Variants in COL8A1 observed in about 807,000 individuals in gnomAD.
COL8A1 encodes collagen type VIII alpha 1 chain.
A neutral mutation model predicts 42.7 loss-of-function variants in COL8A1; 21 were observed. The ratio of observed to expected loss-of-function variants is 0.49; its 90% CI spans 0.35 to 0.71. COL8A1 has a LOEUF of 0.71. Among genes scored for constraint, COL8A1 ranks in the 30% least tolerant of loss-of-function variants. The probability of loss-of-function intolerance (pLI) is 0.01; values close to 1 mark genes in which losing one functional copy is unlikely to be tolerated. For missense variants in COL8A1, 788 were observed against 962.4 expected, an observed-to-expected ratio of 0.82 and a Z score of 2.40; for synonymous variants, 367 against 369.1, an observed-to-expected ratio of 0.99 and a Z score of 0.06.
intron 1 of COL8A1, among the ~76,000 whole-genome samples, chr3:99,716,677 G>A (rs914887294): frequency 1.3e-5 from 2 of 151,940 alleles, no homozygotes; most frequent in South Asian, 2.1e-4. Flanking sequence ...AGTGACACAA[G>A]CCACAATTAC....
chr3:99,730,562 C>T (rs1940474606), intron 1 of COL8A1, among the ~76,000 whole-genome samples: 1 of 152,086 alleles, frequency 6.6e-6, no homozygotes, highest in Non-Finnish European at 1.5e-5. Flanking sequence ...ACGTCTCATT[C>T]TGGAGGCTTG....
At chr3:99,684,529 C>A (rs1938990137) in intron 1 of COL8A1, among the ~76,000 whole-genome samples, 2 of 152,160 alleles carry the variant, frequency 1.3e-5, no homozygotes, top group Admixed American at 1.3e-4. Context: ...AATTGTTAAT[C>A]TTTATTAAGA....
At chr3:99,694,213 T>C (rs572958101) in intron 1 of COL8A1, among the ~76,000 whole-genome samples, 1 of 152,312 alleles carries the variant, frequency 6.6e-6, no homozygotes, top group East Asian at 1.9e-4. Flanking sequence ...CTGGGTGCAG[T>C]GGCTCACACC....
intron 2 of COL8A1, among the ~76,000 whole-genome samples, chr3:99,782,239 G>T (rs1422382882): frequency 1.3e-5 from 2 of 152,088 alleles, no homozygotes; most frequent in Non-Finnish European, 1.5e-5. Flanking sequence ...ATATTTAAGG[G>T]GGGTAGGGGG....
rs41500047 is a variant in COL8A1, at chr3:99,748,764, A to G, written c.-4+3743A>G. Among the ~76,000 whole-genome samples the G allele has an allele frequency of 4.3e-3, 648 of 152,308 alleles. 7 individuals are homozygous for G. Among genetic ancestry groups the G allele is most frequent in the African/African-American group, 0.015 (633 of 41,574 alleles). ...GTAGATTAGCAGCAATGATTTGGGC[A>G]TTCTCACACATCTTCCACATGCAGG... is the stretch of plus-strand genomic sequence containing the variant. On this transcript the variant is annotated intron_variant, in intron 2 of 3. Coordinates refer to ENST00000652472, the MANE Select transcript of COL8A1 (RefSeq NM_020351.4).
intron 1 of COL8A1, chr3:99,703,609 A>G (rs1330203574): frequency 6.6e-6 from 1 of 152,236 alleles, no homozygotes; most frequent in Non-Finnish European, 1.5e-5. Flanking sequence ...ATTGTTCAAA[A>G]GGAGAAAGTC....
At chr3:99,713,091 C>T (rs535693999) in intron 1 of COL8A1, among the ~76,000 whole-genome samples, 40 of 152,152 alleles carry the variant, frequency 2.6e-4, no homozygotes, top group African/African-American at 8.4e-4. Context: ...TTGTGTCAGG[C>T]CTCTGCTGTG....
intron 2 of COL8A1, among the ~76,000 whole-genome samples, 185 bp from the exon 3 acceptor site, chr3:99,790,495 A>G (rs936840294): frequency 1.3e-5 from 2 of 152,144 alleles, no homozygotes; most frequent in Non-Finnish European, 2.9e-5. Context: ...AGATTCCACT[A>G]TTCTCTATTT....
chr3:99,674,074 A>ATGCCTATGCTATGGCATAG (rs1323209804), intron 1 of COL8A1, among the ~76,000 whole-genome samples: 19 of 152,082 alleles, frequency 1.2e-4, no homozygotes, highest in African/African-American at 4.6e-4. Flanking sequence ...GCATGTGGAA[A>ATGCCTATGCTATGGCATAG]GAAACAATCC....
At chr3:99,777,156 A>G (rs1349178307) in intron 2 of COL8A1, among the ~76,000 whole-genome samples, 1 of 152,014 alleles carries the variant, frequency 6.6e-6, no homozygotes, top group Non-Finnish European at 1.5e-5. Flanking sequence ...GCCTTATTTC[A>G]CTCAGCCCCT....
intron 2 of COL8A1, among the ~76,000 whole-genome samples, chr3:99,768,572 A>G (rs1382191062): frequency 6.6e-6 from 1 of 152,116 alleles, no homozygotes; most frequent in Non-Finnish European, 1.5e-5. Context: ...TTTAGATCTC[A>G]TACACATAAC....
intron 2 of COL8A1, among the ~76,000 whole-genome samples, chr3:99,790,406 A>C (rs1303580061): frequency 6.6e-6 from 1 of 152,242 alleles, no homozygotes; most frequent in East Asian, 1.9e-4. Context: ...AAAACAGGGC[A>C]AGAAAGGCAG....
intron 1 of COL8A1, among the ~76,000 whole-genome samples, chr3:99,641,355 T>A (rs887519812): frequency 6.6e-6 from 1 of 152,202 alleles, no homozygotes; most frequent in Admixed American, 6.5e-5. Context: ...AATGAGAGTA[T>A]AAGATCCATC....
intron 1 of COL8A1, among the ~76,000 whole-genome samples, chr3:99,690,221 A>G (rs1177833926): frequency 6.6e-6 from 1 of 152,212 alleles, no homozygotes; most frequent in Non-Finnish European, 1.5e-5. Context: ...TTATTAAACA[A>G]AGTTAAAATG....
chr3:99,718,064 T>C (rs1397174179), intron 1 of COL8A1, among the ~76,000 whole-genome samples: 1 of 151,964 alleles, frequency 6.6e-6, no homozygotes, highest in African/African-American at 2.4e-5. Context: ...CCATTCACTC[T>C]GCAAGACCCA....
At chr3:99,727,223 T>A (rs1940361447) in intron 1 of COL8A1, among the ~76,000 whole-genome samples, 1 of 152,134 alleles carries the variant, frequency 6.6e-6, no homozygotes, top group Admixed American at 6.6e-5. Flanking sequence ...TTGTCTGTTA[T>A]TGGTGTATAA....
chr3:99,789,739 T>C (rs1245826764), intron 2 of COL8A1, among the ~76,000 whole-genome samples: 1 of 152,220 alleles, frequency 6.6e-6, no homozygotes, highest in Non-Finnish European at 1.5e-5. Context: ...GTATTCTTAT[T>C]AATAGTTAAA....
intron 1 of COL8A1, among the ~76,000 whole-genome samples, chr3:99,676,767 T>C (rs1374216051): frequency 1.3e-5 from 2 of 152,108 alleles, no homozygotes; most frequent in Non-Finnish European, 2.9e-5. Context: ...AGGAAAAATA[T>C]AATTTTCATT....
At chr3:99,791,062 A>C (rs1941991747) in intron 3 of COL8A1, 52 bp downstream of exon 3, 2 of 1,489,720 alleles carry the variant, frequency 1.3e-6, no homozygotes, top group South Asian at 1.3e-5. Flanking sequence ...CAAATCTCTA[A>C]ATTATGGGAT....
Sources: gnomAD v4.1 joint callset for allele counts (sites outside exome capture counted in the v4.1 genomes callset) on GRCh38, gnomAD v4.1.1 for gene constraint, MANE v1.5 for transcripts, NCBI Gene and HGNC (gene_info 2026-07-23, HGNC 2026-07-21) for gene names.